GSE1: variants seen among roughly 807,000 people sequenced by gnomAD.
GSE1 encodes the protein Gse1 coiled-coil protein, also known as genetic suppressor element 1.
GSE1 carries 32 observed loss-of-function variants against 112.6 expected under a neutral mutation model. That is an observed-to-expected ratio of 0.28 (90% CI 0.21 to 0.38). The LOEUF (loss-of-function observed/expected upper bound fraction) is 0.38, where lower values mean the gene tolerates loss of function less well. GSE1 is among the 10% of genes least tolerant of loss of function. The pLI, the probability that GSE1 is intolerant of heterozygous loss-of-function variation, is 1.00. For missense variants in GSE1, 2,348 were observed against 1,699.2 expected, an observed-to-expected ratio of 1.38 and a Z score of -6.71; for synonymous variants, 1,115 against 735.6, an observed-to-expected ratio of 1.52 and a Z score of -8.35.
At chr16:85,654,557 C>A in intron 4 of GSE1, 107 bp downstream of exon 4, 1 of 1,020,470 alleles carries the variant, frequency 9.8e-7, no homozygotes, top group Non-Finnish European at 1.5e-6. Flanking sequence ...GCTGTGCCTG[C>A]TAGATGGTTG....
intron 2 of GSE1, among the ~76,000 whole-genome samples, chr16:85,641,033 C>T (rs1200160777): frequency 6.6e-6 from 1 of 152,238 alleles, no homozygotes. Context: ...GTGGAGGAGC[C>T]CAGTACTTGG....
intron 1 of GSE1, among the ~76,000 whole-genome samples, chr16:85,248,017 C>G (rs1350316019): frequency 1.3e-5 from 2 of 152,246 alleles, no homozygotes; most frequent in African/African-American, 4.8e-5. Flanking sequence ...GTGACCCTGG[C>G]TTTAAAAGAG....
At chr16:85,670,316 G>C (rs2152016627) in intron 14 of GSE1, among the ~76,000 whole-genome samples, 1 of 152,232 alleles carries the variant, frequency 6.6e-6, no homozygotes, top group South Asian at 2.1e-4. Flanking sequence ...GCCCTTGTCT[G>C]TGAAACTTTA....
At chr16:85,653,495 T>G (rs775026437) in intron 3 of GSE1, among the ~76,000 whole-genome samples, 27 of 150,920 alleles carry the variant, frequency 1.8e-4, no homozygotes, top group Non-Finnish European at 3.4e-4. Flanking sequence ...GGCCACTGCC[T>G]CCTCCTGCTT....
At chr16:85,618,703 G>C (rs1474531093) in intron 1 of GSE1, among the ~76,000 whole-genome samples, 1 of 152,242 alleles carries the variant, frequency 6.6e-6, no homozygotes, top group Non-Finnish European at 1.5e-5. Context: ...TGCTGCCTAG[G>C]CTGGGGCGCA....
chr16:85,420,547 T>C (rs1292040123), intron 2 of GSE1, among the ~76,000 whole-genome samples: 1 of 152,090 alleles, frequency 6.6e-6, no homozygotes, highest in Non-Finnish European at 1.5e-5. Flanking sequence ...CTCTGGTCAC[T>C]CAGGGCCCAT....
At chr16:85,192,934 G>A (rs556070221) in intron 1 of GSE1, among the ~76,000 whole-genome samples, 3 of 152,218 alleles carry the variant, frequency 2.0e-5, no homozygotes, top group Non-Finnish European at 4.4e-5. Flanking sequence ...TGGTTCTGCT[G>A]GCTGTGTGCC....
At chr16:85,342,974 G>C (rs1163315636) in intron 1 of GSE1, among the ~76,000 whole-genome samples, 1 of 151,994 alleles carries the variant, frequency 6.6e-6, no homozygotes, top group Non-Finnish European at 1.5e-5. Flanking sequence ...GAAGATAGGA[G>C]GGGGTGGCAG....
intron 4 of GSE1, 91 bp downstream of exon 4, chr16:85,654,541 G>C (rs892732068): frequency 8.7e-7 from 1 of 1,148,802 alleles, no homozygotes; most frequent in African/African-American, 1.5e-5. Flanking sequence ...GGTCTGCACA[G>C]ATGAGGCTGT....
chr16:85,487,105 C>T (rs776588189), intron 2 of GSE1, among the ~76,000 whole-genome samples: 3 of 152,144 alleles, frequency 2.0e-5, no homozygotes, highest in African/African-American at 7.2e-5. Flanking sequence ...CGTGCCCCAG[C>T]GGATGGGCTC....
chr16:85,278,523 T>G (rs1298462718), intron 1 of GSE1, among the ~76,000 whole-genome samples: 1 of 152,244 alleles, frequency 6.6e-6, no homozygotes, highest in Non-Finnish European at 1.5e-5. Context: ...TTGGTTTTGT[T>G]TGTTTACCCC....
At chr16:85,231,362 A>G (rs1218819609) in intron 1 of GSE1, among the ~76,000 whole-genome samples, 1 of 149,846 alleles carries the variant, frequency 6.7e-6, no homozygotes, top group East Asian at 2.0e-4. Context: ...TGATGGATGG[A>G]CAGAAGGATA....
At chr16:85,171,842 C>T in intron 1 of GSE1, 4 of 951,608 alleles carry the variant, frequency 4.2e-6, no homozygotes, top group Non-Finnish European at 5.0e-6. Context: ...TTAGACGCTT[C>T]CTCCAAAATC....
chr16:85,543,495 C>T (rs900575466), intron 2 of GSE1, among the ~76,000 whole-genome samples: 2 of 152,228 alleles, frequency 1.3e-5, no homozygotes, highest in African/African-American at 2.4e-5. Flanking sequence ...ACACCCCATT[C>T]CCCATGTTTT....
At chr16:85,455,432 A>G (rs1208234378) in intron 2 of GSE1, among the ~76,000 whole-genome samples, 2 of 152,196 alleles carry the variant, frequency 1.3e-5, no homozygotes, top group East Asian at 3.8e-4. Context: ...AAAAGAAAAA[A>G]GAAACTCCAC....
At chr16:85,433,594 G>A (rs753825945) in intron 2 of GSE1, among the ~76,000 whole-genome samples, 3 of 84,690 alleles carry the variant, frequency 3.5e-5, no homozygotes, top group Non-Finnish European at 6.6e-5. Flanking sequence ...GATCCTGGAT[G>A]GATGGATGGA....
chr16:85,253,416 G>A (rs1285581860), intron 1 of GSE1, among the ~76,000 whole-genome samples: 2 of 152,206 alleles, frequency 1.3e-5, no homozygotes, highest in African/African-American at 4.8e-5. Context: ...CCTGGAAATG[G>A]GGTGGGGTCT....
chr16:85,671,873 C>G (rs191028099), intron 15 of GSE1: 242 of 159,704 alleles, frequency 1.5e-3, no homozygotes, highest in African/African-American at 5.5e-3. Context: ...GGAAGCAGGT[C>G]TCAGATCACT....
At chr16:85,232,892 G>A (rs568307522) in intron 1 of GSE1, among the ~76,000 whole-genome samples, 4 of 152,382 alleles carry the variant, frequency 2.6e-5, no homozygotes, top group South Asian at 2.1e-4. Flanking sequence ...ATGGTCCCAG[G>A]TGTGAATTAA....
Sources: allele counts gnomAD v4.1 joint callset (sites outside exome capture counted in the v4.1 genomes callset), GRCh38; gene constraint gnomAD v4.1.1; transcripts MANE v1.5; gene names NCBI Gene and HGNC (gene_info 2026-07-23, HGNC 2026-07-21).